The following SDK1 variants were observed in gnomAD, a reference collection of about 807,000 sequenced individuals.
SDK1 encodes the protein protein sidekick-1.
Under a neutral mutation model 245.5 loss-of-function variants are expected in SDK1, and 157 were observed. The ratio of observed to expected loss-of-function variants is 0.64; its 90% CI spans 0.56 to 0.73. The LOEUF (loss-of-function observed/expected upper bound fraction) is 0.73, where lower values mean the gene tolerates loss of function less well. Among genes scored for constraint, SDK1 ranks in the 30% least tolerant of loss-of-function variants. SDK1 has a pLI of 0.00. For missense variants in SDK1, 3,583 were observed against 3,002.3 expected (o/e 1.19, Z -4.52); for synonymous variants, 1,647 against 1,278.5 (o/e 1.29, Z -6.15).
chr7:3,824,025 A>C (rs1779709602), intron 5 of SDK1, among the ~76,000 whole-genome samples: 1 of 151,692 alleles, frequency 6.6e-6, no homozygotes, highest in South Asian at 2.1e-4. Context: ...GTCTTGATTA[A>C]TCTGCAGAAT....
At chr7:4,155,629 ATAAG>A (rs994144926) in intron 30 of SDK1, among the ~76,000 whole-genome samples, 13 of 152,242 alleles carry the variant, frequency 8.5e-5, no homozygotes, top group East Asian at 3.8e-4. Context: ...AAATAAATAA[ATAAG>A]TAAACAAATC....
At chr7:3,560,223 G>T (rs1018628407) in intron 1 of SDK1, among the ~76,000 whole-genome samples, 1 of 152,138 alleles carries the variant, frequency 6.6e-6, no homozygotes, top group Non-Finnish European at 1.5e-5. Context: ...CGTATCTTTA[G>T]AAGTACGTAC....
chr7:4,130,165 T>C (rs1321209053), intron 27 of SDK1, 68 bp downstream of exon 27: 1 of 1,430,242 alleles, frequency 7.0e-7, no homozygotes, highest in East Asian at 2.4e-5. Flanking sequence ...ATGCAAACAA[T>C]TTGGATTGTT....
At position 3,987,314 on chromosome 7, in the gene SDK1, C is replaced by G. The variant is rs761471612; in HGVS notation, c.2123C>G (p.Ser708Cys). 3.1e-6 allele frequency: 5 copies of G among 1,613,676 alleles called. No homozygotes were observed. The Admixed American group carries it at 6.7e-5, about 22-fold the overall frequency. Reference protein sequence around the residue: ...SPILYYIVELSENNSPWKVHL... With the variant: ...SPILYYIVELCENNSPWKVHL... ...ATTCTTTATTACATCGTGGAGCTCT[C>G]TGAAAACAGTAAGTAGCAAAATGAA... Residue 708 changes from serine to cysteine, a missense_variant, in exon 14 of 45, where the codon TCT (serine) becomes TGT (cysteine). Transcript: ENST00000404826.
At chr7:4,162,035 C>T (rs944939121) in intron 32 of SDK1, among the ~76,000 whole-genome samples, 179 bp downstream of exon 32, 1 of 152,118 alleles carries the variant, frequency 6.6e-6, no homozygotes, top group Non-Finnish European at 1.5e-5. Flanking sequence ...CAATTATCAT[C>T]TCGGTGTAAT....
intron 1 of SDK1, among the ~76,000 whole-genome samples, chr7:3,436,181 G>T (rs1780017085): frequency 6.6e-6 from 1 of 152,102 alleles, no homozygotes. Context: ...ATTTGATGAA[G>T]TAAGCTGACA....
intron 5 of SDK1, among the ~76,000 whole-genome samples, chr7:3,869,903 C>G (rs1350385626): frequency 1.3e-5 from 2 of 152,090 alleles, no homozygotes; most frequent in African/African-American, 4.8e-5. Context: ...AAAGAAAATG[C>G]TGTTGAAATT....
chr7:4,136,300 G>A (rs1779086836), intron 28 of SDK1, among the ~76,000 whole-genome samples: 1 of 152,172 alleles, frequency 6.6e-6, no homozygotes, highest in African/African-American at 2.4e-5. Context: ...AGGAAGACAG[G>A]AAGACAATTC....
intron 41 of SDK1, 25 bp from the exon 42 acceptor site, chr7:4,237,622 T>C (rs769331559): frequency 4.3e-6 from 7 of 1,614,006 alleles, no homozygotes; most frequent in Non-Finnish European, 5.9e-6. Context: ...CCCCATGTCA[T>C]TGTGTGTCCG....
chr7:3,447,150 ATTG>A (rs1477360945), intron 1 of SDK1, among the ~76,000 whole-genome samples: 2 of 152,192 alleles, frequency 1.3e-5, no homozygotes, highest in East Asian at 1.9e-4. Flanking sequence ...ATAATTCAGT[ATTG>A]TTTATATATG....
chr7:3,414,328 A>G (rs1779301448), intron 1 of SDK1, among the ~76,000 whole-genome samples: 1 of 152,090 alleles, frequency 6.6e-6, no homozygotes, highest in African/African-American at 2.4e-5. Flanking sequence ...GGCCCAGCCC[A>G]CGGAGGAGGA....
intron 1 of SDK1, among the ~76,000 whole-genome samples, chr7:3,531,411 A>T (rs1364202381): frequency 1.3e-5 from 2 of 152,146 alleles, no homozygotes; most frequent in African/African-American, 4.8e-5. Flanking sequence ...TGAAAATTTA[A>T]ATTTTTTATT....
At chr7:3,668,318 T>C (rs994286475) in intron 4 of SDK1, among the ~76,000 whole-genome samples, 1 of 152,196 alleles carries the variant, frequency 6.6e-6, no homozygotes, top group Non-Finnish European at 1.5e-5. Context: ...CTCACTTTCA[T>C]GGCAAAAGTT....
rs190069679 is a variant in SDK1, at chr7:3,880,864, T to C, written c.847+59281T>C. Reference sequence around the variant, plus strand: ...GAAGGCAGCACTTGTTAGGAAATCTTTATGTAGCATGGGTCACTTACCCTG... The same window carrying C: ...GAAGGCAGCACTTGTTAGGAAATCTCTATGTAGCATGGGTCACTTACCCTG... On this transcript the variant is annotated intron_variant, in intron 5 of 44. Transcript: ENST00000404826. Among the ~76,000 whole-genome samples, 3 of 152,144 alleles carry C rather than the reference T, an allele frequency of 2.0e-5. No homozygotes were observed. In the East Asian group the frequency reaches 5.8e-4, roughly 30 times the overall value.
At chr7:3,405,159 CAAAA>C (rs751705504) in intron 1 of SDK1, among the ~76,000 whole-genome samples, 3 of 124,000 alleles carry the variant, frequency 2.4e-5, no homozygotes, top group African/African-American at 7.4e-5. Flanking sequence ...AAAAAAAAAC[CAAAA>C]AAAAAAACAA....
chr7:3,687,977 C>T (rs2114992175), intron 4 of SDK1, among the ~76,000 whole-genome samples: 1 of 152,168 alleles, frequency 6.6e-6, no homozygotes, highest in African/African-American at 2.4e-5. Context: ...AAACATGGCA[C>T]CCTCAAAGAT....
intron 16 of SDK1, among the ~76,000 whole-genome samples, chr7:4,012,648 A>G (rs1365163701): frequency 2.3e-5 from 3 of 130,014 alleles, no homozygotes; most frequent in Admixed American, 9.9e-5. Context: ...ATCTTGGCTC[A>G]ATGCAACTTC....
intron 1 of SDK1, among the ~76,000 whole-genome samples, chr7:3,551,912 AT>A: frequency 6.6e-6 from 1 of 152,332 alleles, no homozygotes; most frequent in Non-Finnish European, 1.5e-5. Context: ...GAAATTGTGA[AT>A]CACATTATCA....
chr7:4,209,293 G>T (rs1174804480), intron 37 of SDK1, among the ~76,000 whole-genome samples: 11 of 152,192 alleles, frequency 7.2e-5, no homozygotes, highest in Non-Finnish European at 1.5e-4. Flanking sequence ...AGAGGGAGGA[G>T]GGTGGGTGCC....
Sources: gnomAD v4.1 joint callset for allele counts (sites outside exome capture counted in the v4.1 genomes callset) on GRCh38, gnomAD v4.1.1 for gene constraint, MANE v1.5 for transcripts, NCBI Gene and HGNC (gene_info 2026-07-23, HGNC 2026-07-21) for gene names.